ZNF705G: variants seen among roughly 807,000 people sequenced by gnomAD.
The protein encoded by ZNF705G is putative zinc finger protein 705G.
ZNF705G carries 23 observed loss-of-function variants against 19.6 expected under a neutral mutation model. The ratio of observed to expected loss-of-function variants is 1.17; its 90% CI spans 0.84 to 1.66. The LOEUF (loss-of-function observed/expected upper bound fraction) is 1.66. Among genes scored for constraint, ZNF705G ranks in the 40% most tolerant of loss-of-function variants. The pLI is 0.00. For missense variants in ZNF705G, 457 were observed against 354.4 expected, an observed-to-expected ratio of 1.29 and a Z score of -2.32; for synonymous variants, 146 against 117.7, an observed-to-expected ratio of 1.24 and a Z score of -1.56.
intron 3 of ZNF705G, among the ~76,000 whole-genome samples, chr8:7,361,979 T>A (rs1297788558): frequency 6.7e-6 from 1 of 149,664 alleles, no homozygotes; most frequent in East Asian, 1.9e-4. Context: ...GAGGCTGCTA[T>A]ACTGAGGAAA....
At chr8:7,378,853 G>C (rs1382686228) in intron 2 of ZNF705G, among the ~76,000 whole-genome samples, 2 of 146,904 alleles carry the variant, frequency 1.4e-5, no homozygotes, top group Non-Finnish European at 2.9e-5. Flanking sequence ...AATTTCACAG[G>C]AAACCTCAAT....
rs934478384 is a variant in ZNF705G at position 7,369,114 on chromosome 8, C to A, written c.-71-6097G>T. Among the ~76,000 whole-genome samples, 7 of 149,476 alleles carry A rather than the reference C, an allele frequency of 4.7e-5. 3 individuals carry two copies. Among genetic ancestry groups the A allele is most frequent in the African/African-American group, 1.8e-4 (7 of 38,876 alleles). ...TATCAAACCATCACAACTCGTGAGACTTATTCACTACCACGAGAACAGCAT... is the reference window on the plus strand; with the variant it reads ...TATCAAACCATCACAACTCGTGAGAATTATTCACTACCACGAGAACAGCAT... On this transcript the variant is annotated intron_variant, in intron 2 of 6. Transcript: ENST00000400156.
intron 2 of ZNF705G, among the ~76,000 whole-genome samples, chr8:7,371,185 C>T (rs1807083748): frequency 7.6e-6 from 1 of 131,602 alleles, no homozygotes; most frequent in African/African-American, 3.0e-5. Context: ...ACTTGGAGGG[C>T]ATTAGGTTAT....
chr8:7,362,268 G>A (rs11987796), intron 3 of ZNF705G, among the ~76,000 whole-genome samples: 2,888 of 149,580 alleles, frequency 0.019, 391 homozygotes, highest in African/African-American at 0.07. Flanking sequence ...TTACCAGAAG[G>A]CAAAAAGGTT....
rs563362653 is a variant in ZNF705G at position 7,358,183 on chromosome 8, T to C, written c.696A>G (p.Gln232=). 37 of 1,607,640 alleles carry C rather than the reference T, an allele frequency of 2.3e-5. No individual in the cohort carries two copies. The highest frequency in any genetic ancestry group is 9.8e-5 in the African/African-American group (7 of 71,296). Reference sequence around the variant, plus strand: ...AGGATTGAATAAAGACTTTCCCATATTGATGACACTTATATGGTCTCTGTC... The same window carrying C: ...AGGATTGAATAAAGACTTTCCCATACTGATGACACTTATATGGTCTCTGTC... ...HTGQRPYKCH[Q]YGKVFIQSFN... is the part of the protein sequence containing the mutation. The change falls in exon 7 of 7, where the codon CAA becomes CAG. Residue 232 remains glutamine, a synonymous_variant. Transcript: ENST00000400156.
At chr8:7,371,179 G>A (rs1340308240) in intron 2 of ZNF705G, among the ~76,000 whole-genome samples, 1 of 134,234 alleles carries the variant, frequency 7.4e-6, no homozygotes, top group Non-Finnish European at 1.6e-5. Flanking sequence ...GGATGGACTT[G>A]GAGGGCATTA....
At chr8:7,366,990 A>G (rs1270401464) in intron 2 of ZNF705G, among the ~76,000 whole-genome samples, 4 of 149,720 alleles carry the variant, frequency 2.7e-5, no homozygotes, top group South Asian at 2.1e-4. Context: ...TTTACAGTTT[A>G]TAGTCACATG....
At chr8:7,359,470 C>T (rs1806466591) in intron 6 of ZNF705G, 149 bp downstream of exon 6, 1 of 1,394,910 alleles carries the variant, frequency 7.2e-7, no homozygotes, top group Non-Finnish European at 9.7e-7. Context: ...AATGTATTCA[C>T]TAAATTCAAA....
chr8:7,366,123 A>C (rs1171950494), intron 2 of ZNF705G, among the ~76,000 whole-genome samples: 1 of 148,624 alleles, frequency 6.7e-6, no homozygotes, highest in Non-Finnish European at 1.5e-5. Flanking sequence ...TATGAAACCA[A>C]AACGAATATA....
At position 7,359,766 on chromosome 8, in the gene ZNF705G, C is replaced by G. The variant is rs190688998; in HGVS notation, c.236-65G>C. 25 of 1,601,970 alleles carry G rather than the reference C, an allele frequency of 1.6e-5. No individual in the cohort carries two copies. The African/African-American group carries it at 3.0e-4, about 19-fold the overall frequency. On this transcript the variant is annotated intron_variant, in intron 5 of 6. Transcript: ENST00000400156. ...GGTAATAAAATTGTTTGAAAAGCCC[C>G]AAAGCCCACGTACTTTTTTCAAAAA...
chr8:7,384,659 A>G (rs1807652422), intron 1 of ZNF705G, among the ~76,000 whole-genome samples: 1 of 145,086 alleles, frequency 6.9e-6, no homozygotes, highest in African/African-American at 2.9e-5. Context: ...ATGGAATTAG[A>G]GGCTGGTAGG....
At chr8:7,385,201 G>T (rs1235897088) in intron 1 of ZNF705G, among the ~76,000 whole-genome samples, 1 of 148,182 alleles carries the variant, frequency 6.7e-6, no homozygotes, top group Non-Finnish European at 1.5e-5. Flanking sequence ...GGGCCAAGTG[G>T]GTAAAGGTCA....
chr8:7,375,114 G>A (rs1191864068), intron 2 of ZNF705G, among the ~76,000 whole-genome samples: 1 of 93,734 alleles, frequency 1.1e-5, no homozygotes, highest in Non-Finnish European at 2.1e-5. Flanking sequence ...TGAGGTTTGG[G>A]GTATGAATAA....
chr8:7,381,649 A>T (rs1807502441), intron 1 of ZNF705G, 48 bp from the exon 2 acceptor site: 1 of 147,882 alleles, frequency 6.8e-6, no homozygotes, highest in Non-Finnish European at 1.5e-5. Flanking sequence ...AGGAATAGAA[A>T]ACCAAATATT....
At chr8:7,383,664 G>A (rs1287849746) in intron 1 of ZNF705G, among the ~76,000 whole-genome samples, 1 of 148,982 alleles carries the variant, frequency 6.7e-6, no homozygotes, top group Non-Finnish European at 1.5e-5. Context: ...GCTTTGAGGA[G>A]GTGATTAAGT....
chr8:7,366,747 G>A (rs9314626), intron 2 of ZNF705G, among the ~76,000 whole-genome samples: 54,576 of 146,786 alleles, frequency 0.37, 5,390 homozygotes, highest in African/African-American at 0.5. Flanking sequence ...TGAGAAAGGA[G>A]ATGAATATAG....
chr8:7,376,779 G>T (rs1191041163), intron 2 of ZNF705G, among the ~76,000 whole-genome samples: 9 of 150,106 alleles, frequency 6.0e-5, no homozygotes, highest in Admixed American at 5.9e-4. Context: ...CCTTCCACAG[G>T]AAAAATATCC....
chr8:7,363,970 T>A (rs555676537), intron 2 of ZNF705G, among the ~76,000 whole-genome samples: 2 of 149,638 alleles, frequency 1.3e-5, no homozygotes, highest in South Asian at 4.2e-4. Flanking sequence ...GTTTCTCTCC[T>A]GTGTATACAG....
chr8:7,370,034 TA>T (rs1290142947), intron 2 of ZNF705G, among the ~76,000 whole-genome samples: 2 of 127,146 alleles, frequency 1.6e-5, no homozygotes, highest in African/African-American at 3.6e-5. Context: ...GAATCTAAAA[TA>T]AAAGTTGAAT....
Sources: allele counts gnomAD v4.1 joint callset (sites outside exome capture counted in the v4.1 genomes callset), GRCh38; gene constraint gnomAD v4.1.1; transcripts MANE v1.5; gene names NCBI Gene and HGNC (gene_info 2026-07-23, HGNC 2026-07-21).